Variants in TNRC18 observed in about 807,000 individuals in gnomAD.
The protein encoded by TNRC18 is trinucleotide repeat-containing gene 18 protein.
TNRC18 carries 69 observed loss-of-function variants against 226.7 expected under a neutral mutation model. The ratio of observed to expected loss-of-function variants is 0.30; its 90% confidence interval spans 0.25 to 0.37. The LOEUF (loss-of-function observed/expected upper bound fraction) is 0.37, where lower values mean the gene tolerates loss of function less well. Among genes scored for constraint, TNRC18 ranks in the 10% least tolerant of loss-of-function variants. The probability of loss-of-function intolerance (pLI) is 1.00; values close to 1 mark genes in which losing one functional copy is unlikely to be tolerated. For missense variants in TNRC18, 4,754 were observed against 4,256.6 expected (o/e 1.12, Z -3.25); for synonymous variants, 2,449 against 1,927.6 (o/e 1.27, Z -7.09).
chr7:5,408,399 G>A (rs1781622410), intron 2 of TNRC18, among the ~76,000 whole-genome samples: 1 of 152,020 alleles, frequency 6.6e-6, no homozygotes, highest in African/African-American at 2.4e-5. Context: ...TGTAATCCCA[G>A]CACTTAGGGA....
chr7:5,363,518 G>T (rs537509185), intron 11 of TNRC18, among the ~76,000 whole-genome samples: 1 of 152,086 alleles, frequency 6.6e-6, no homozygotes, highest in Admixed American at 6.5e-5. Flanking sequence ...GCAGGAGAAT[G>T]GCGAGAACCT....
At position 5,415,597 on chromosome 7, in the gene TNRC18, T is replaced by C. The variant is rs568239059; in HGVS notation, c.187+5463A>G. ...TGTTTCGCCATGTTGGCCAGGCTGG[T>C]CTCGAACTCCTGACCTCAGGTGATC... On this transcript the variant is annotated intron_variant, in intron 2 of 29. Coordinates refer to ENST00000430969, the MANE Select transcript of TNRC18 (RefSeq NM_001080495.3). Among the ~76,000 whole-genome samples the C allele has an allele frequency of 3.0e-3, 443 of 149,940 alleles. 1 individual carries two copies. Among genetic ancestry groups the C allele is most frequent in the African/African-American group, 4.5e-3 (186 of 41,020 alleles).
chr7:5,345,834 G>A (rs530099795), intron 17 of TNRC18, 24 bp from the exon 18 acceptor site: 96 of 1,531,946 alleles, frequency 6.3e-5, no homozygotes, highest in Non-Finnish European at 8.1e-5. Flanking sequence ...AACAGGGACC[G>A]AGTCAGAGCC....
At position 5,308,118 on chromosome 7, in the gene TNRC18, G is replaced by T; in HGVS notation, c.8895C>A (p.Pro2965=). 2 of 1,551,690 alleles carry T rather than the reference G, an allele frequency of 1.3e-6. No homozygotes were observed. Among genetic ancestry groups the T allele is most frequent in the Non-Finnish European group, 1.7e-6 (2 of 1,148,316 alleles). ...TGMIFSTDGV[P]VLC ...GGGCCCGGCGGGCTCAGCAGAGCAC[G>T]GGCACGCCGTCCGTGGAGAAGATCA... Residue 2965 remains proline (P), a synonymous_variant, in exon 30 of 30, where the codon CCC becomes CCA. Coordinates refer to ENST00000430969, the MANE Select transcript of TNRC18 (RefSeq NM_001080495.3).
At chr7:5,308,486 C>G (rs1185453500) in intron 29 of TNRC18, among the ~76,000 whole-genome samples, 174 bp from the exon 30 acceptor site, 8 of 151,652 alleles carry the variant, frequency 5.3e-5, no homozygotes, top group Admixed American at 3.9e-4. Context: ...AGACAGAGAC[C>G]GAGAGATGGA....
At chr7:5,374,957 A>G (rs951623342) in intron 9 of TNRC18, among the ~76,000 whole-genome samples, 26 of 152,304 alleles carry the variant, frequency 1.7e-4, no homozygotes, top group African/African-American at 5.8e-4. Flanking sequence ...TTATGAGGAA[A>G]TGGGAGGGAG....
chr7:5,357,160 G>A lies in TNRC18; in HGVS notation c.4950C>T (p.Asp1650=). ...DKLKSPFKFS[D]SAGGKSKTSG... is the part of the protein sequence containing the mutation. ...TAGTTTTCGATTTCCCCCCAGCACT[G>A]TCCGAAAACTTGAAGGGCGACTTCA... The change falls in exon 16 of 30, where the codon GAC becomes GAT. Residue 1650 remains aspartate (D), a synonymous_variant. Coordinates refer to ENST00000430969, the MANE Select transcript of TNRC18 (RefSeq NM_001080495.3). 1.3e-6 allele frequency: 2 copies of A among 1,591,188 alleles called. No homozygotes were observed. Among genetic ancestry groups the A allele is most frequent in the Non-Finnish European group, 1.7e-6 (2 of 1,168,336 alleles).
chr7:5,342,428 CAAAAAAAAA>C (rs557401325), intron 18 of TNRC18, among the ~76,000 whole-genome samples: 1 of 86,486 alleles, frequency 1.2e-5, no homozygotes, highest in Non-Finnish European at 2.4e-5. Context: ...GACTCAGTCT[CAAAAAAAAA>C]AAAAAAGAAA....
At chr7:5,385,208 T>A (rs138399312) in intron 5 of TNRC18, among the ~76,000 whole-genome samples, 1 of 152,082 alleles carries the variant, frequency 6.6e-6, no homozygotes, top group Admixed American at 6.5e-5. Context: ...CACAGCTGGC[T>A]GGGCGCGGTG....
chr7:5,317,041 G>T (rs138835769), intron 24 of TNRC18, among the ~76,000 whole-genome samples: 5,495 of 152,180 alleles, frequency 0.036, 341 homozygotes, highest in African/African-American at 0.13. Flanking sequence ...TGATAGCCCA[G>T]CCCTCTTCCC....
chr7:5,378,189 A>G (rs1345752658), intron 5 of TNRC18, among the ~76,000 whole-genome samples, 165 bp from the exon 6 acceptor site: 1 of 151,910 alleles, frequency 6.6e-6, no homozygotes, highest in Non-Finnish European at 1.5e-5. Context: ...ATGACGCATC[A>G]AGCTCCCCCA....
intron 17 of TNRC18, among the ~76,000 whole-genome samples, chr7:5,351,347 CA>C (rs1791787200): frequency 2.0e-5 from 3 of 152,116 alleles, no homozygotes; most frequent in African/African-American, 7.2e-5. Context: ...AATCGCGGTA[CA>C]AACATCAAGT....
intron 2 of TNRC18, among the ~76,000 whole-genome samples, chr7:5,416,580 G>A (rs1320820806): frequency 6.6e-6 from 1 of 150,570 alleles, no homozygotes. Context: ...ATTAGGCCAG[G>A]CATGGTGGCT....
In TNRC18 at chr7:5,332,719, G is replaced by A. The variant is rs1312262075; in HGVS notation, c.6050C>T (p.Thr2017Ile). ...GCGGCTGGTCTTGGTGGCGGGCGCG[G>A]TGCTGACGGGCGCAGGTGCAGCAGC... ...ASAAAPAPVS[T>I]APATKTSRCA... The change falls in exon 19 of 30, where the codon ACC becomes ATC. Residue 2017 changes from threonine to isoleucine, a missense_variant. Thr to Ile is a moderately conservative substitution (Grantham distance 89, BLOSUM62 -1). Coordinates refer to ENST00000430969, the MANE Select transcript of TNRC18 (RefSeq NM_001080495.3). 2.4e-5 allele frequency: 37 copies of A among 1,526,840 alleles called. No homozygotes were observed. The Admixed American group carries it at 4.9e-4, about 20-fold the overall frequency. The allele number at this position is 1,526,840 out of a possible 1,614,324, so 94.6% of individuals were successfully genotyped here.
At chr7:5,308,511 C>T (rs887388487) in intron 29 of TNRC18, among the ~76,000 whole-genome samples, 199 bp from the exon 30 acceptor site, 2 of 151,946 alleles carry the variant, frequency 1.3e-5, no homozygotes, top group Non-Finnish European at 2.9e-5. Flanking sequence ...AAATGAGAGA[C>T]AAGGATAGAC....
intron 2 of TNRC18, among the ~76,000 whole-genome samples, chr7:5,410,577 T>C (rs566981848): frequency 2.6e-5 from 4 of 151,594 alleles, no homozygotes; most frequent in South Asian, 2.1e-4. Flanking sequence ...AGAATAACAA[T>C]AACCGTGGCC....
At chr7:5,319,665 C>T (rs1290418458) in intron 24 of TNRC18, among the ~76,000 whole-genome samples, 4 of 152,122 alleles carry the variant, frequency 2.6e-5, no homozygotes, top group Admixed American at 1.3e-4. Context: ...CCTGCCACCA[C>T]GCCCGGCTAA....
At chr7:5,414,618 T>A (rs1405546511) in intron 2 of TNRC18, among the ~76,000 whole-genome samples, 1 of 152,122 alleles carries the variant, frequency 6.6e-6, no homozygotes, top group African/African-American at 2.4e-5. Flanking sequence ...TTCACCATGT[T>A]ATCCAGGATG....
chr7:5,386,351 C>T (rs1258761966), intron 5 of TNRC18, among the ~76,000 whole-genome samples: 1 of 151,488 alleles, frequency 6.6e-6, no homozygotes, highest in Admixed American at 6.6e-5. Context: ...CCAAGGCAGG[C>T]GGATCATCTG....
Sources: allele counts gnomAD v4.1 joint callset (sites outside exome capture counted in the v4.1 genomes callset), GRCh38; gene constraint gnomAD v4.1.1; transcripts MANE v1.5; gene names NCBI Gene and HGNC (gene_info 2026-07-23, HGNC 2026-07-21).